SEZ6L: variants seen among roughly 807,000 people sequenced by gnomAD.
SEZ6L encodes seizure related 6 homolog like.
Under a neutral mutation model 106.2 loss-of-function variants are expected in SEZ6L, and 37 were observed. The observed-to-expected ratio is 0.35, with a 90% CI of 0.27 to 0.46. SEZ6L has a LOEUF of 0.46. SEZ6L is among the 20% of genes least tolerant of loss of function. The pLI, the probability that SEZ6L is intolerant of heterozygous loss-of-function variation, is 1.00. For missense variants in SEZ6L, 1,172 were observed against 1,332.8 expected, an observed-to-expected ratio of 0.88 and a Z score of 1.88; for synonymous variants, 541 against 570.4, an observed-to-expected ratio of 0.95 and a Z score of 0.73.
intron 1 of SEZ6L, among the ~76,000 whole-genome samples, chr22:26,275,018 G>A (rs527597608): frequency 1.2e-4 from 19 of 152,138 alleles, no homozygotes; most frequent in Non-Finnish European, 2.1e-4. Flanking sequence ...CCAGGTACAC[G>A]AAGACTCTAA....
chr22:26,235,270 C>T (rs936610926), intron 1 of SEZ6L, among the ~76,000 whole-genome samples: 1 of 152,202 alleles, frequency 6.6e-6, no homozygotes, highest in South Asian at 2.1e-4. Context: ...GCACCTCCTC[C>T]ATATCCCCAA....
intron 1 of SEZ6L, among the ~76,000 whole-genome samples, chr22:26,275,150 C>T (rs1446128892): frequency 6.6e-6 from 1 of 152,212 alleles, no homozygotes; most frequent in Non-Finnish European, 1.5e-5. Flanking sequence ...TCCTTTACTG[C>T]ACAGCAGTAT....
chr22:26,195,709 ATG>A (rs1419978395), intron 1 of SEZ6L, among the ~76,000 whole-genome samples: 1 of 151,976 alleles, frequency 6.6e-6, no homozygotes, highest in South Asian at 2.1e-4. Flanking sequence ...GTAAGTTAAT[ATG>A]TGTGTGTATG....
chr22:26,318,785 T>C (rs2082075465), intron 9 of SEZ6L, among the ~76,000 whole-genome samples: 1 of 152,156 alleles, frequency 6.6e-6, no homozygotes, highest in South Asian at 2.1e-4. Context: ...TATTTATTTA[T>C]CTATTTATCT....
At chr22:26,300,846 T>TTA (rs1297452412) in intron 5 of SEZ6L, among the ~76,000 whole-genome samples, 1 of 152,256 alleles carries the variant, frequency 6.6e-6, no homozygotes, top group Non-Finnish European at 1.5e-5. Flanking sequence ...TAAGCAATCA[T>TTA]TATATATTCT....
At position 26,306,061 on chromosome 22, in the gene SEZ6L, A is replaced by G. The variant is rs756701321; in HGVS notation, c.1431A>G (p.Gln477=). Residue 477 remains glutamine (Q), a synonymous_variant, in exon 6 of 17, where the codon CAA becomes CAG. Coordinates refer to ENST00000248933, the MANE Select transcript of SEZ6L (RefSeq NM_021115.5). ...ACCCTGAAAACACAAATGGGAGCCA[A>G]TTCTGCATCTGGACGATTGAAGCTC... ...PSYPENTNGS[Q]FCIWTIEAPE... is the part of the protein sequence containing the mutation. The G allele has an allele frequency of 6.2e-7, 1 of 1,614,136 alleles. No individual in the cohort carries two copies. Among genetic ancestry groups the G allele is most frequent in the South Asian group, 1.1e-5 (1 of 91,084 alleles).
chr22:26,249,674 T>A (rs2079501344), intron 1 of SEZ6L, among the ~76,000 whole-genome samples: 2 of 152,212 alleles, frequency 1.3e-5, no homozygotes, highest in African/African-American at 4.8e-5. Context: ...ACTGATGTCC[T>A]TTCCTTTGGA....
At chr22:26,202,145 A>T (rs1940996869) in intron 1 of SEZ6L, among the ~76,000 whole-genome samples, 1 of 151,962 alleles carries the variant, frequency 6.6e-6, no homozygotes, top group Admixed American at 6.6e-5. Context: ...TGATCTCCTG[A>T]TCTCGTGATC....
intron 5 of SEZ6L, among the ~76,000 whole-genome samples, chr22:26,304,174 A>T (rs1326353074): frequency 6.6e-6 from 1 of 152,014 alleles, no homozygotes; most frequent in Non-Finnish European, 1.5e-5. Context: ...CAAGATGGTG[A>T]AACCCCATCT....
At chr22:26,187,374 A>T (rs1178861665) in intron 1 of SEZ6L, among the ~76,000 whole-genome samples, 1 of 152,188 alleles carries the variant, frequency 6.6e-6, no homozygotes, top group African/African-American at 2.4e-5. Context: ...ACACGTGGGG[A>T]TTACAATTTG....
At chr22:26,276,361 C>T (rs1012674809) in intron 1 of SEZ6L, among the ~76,000 whole-genome samples, 12 of 152,200 alleles carry the variant, frequency 7.9e-5, no homozygotes, top group African/African-American at 2.9e-4. Context: ...TGCTAGAACC[C>T]AGGTCTCCTG....
At position 26,375,098 on chromosome 22, in the gene SEZ6L, C is replaced by T. The variant is rs373001369; in HGVS notation, c.2828-477C>T. On this transcript the variant is annotated intron_variant, in intron 14 of 16. Coordinates refer to ENST00000248933, the MANE Select transcript of SEZ6L (RefSeq NM_021115.5). ...GTCTGAGAATCCCTTAGAAACCTTG[C>T]GGCTGACCACCAGCACCGTTCAACT... Among the ~76,000 whole-genome samples, 9 of 152,042 alleles carry T rather than the reference C, an allele frequency of 5.9e-5. No individual in the cohort carries two copies. The South Asian group carries it at 1.0e-3, about 18-fold the overall frequency.
At chr22:26,213,430 A>T (rs550415705) in intron 1 of SEZ6L, among the ~76,000 whole-genome samples, 2 of 152,288 alleles carry the variant, frequency 1.3e-5, no homozygotes, top group South Asian at 4.1e-4. Context: ...TTTTGCCTTT[A>T]CTATGGAAGC....
intron 5 of SEZ6L, among the ~76,000 whole-genome samples, chr22:26,300,681 T>G (rs983609892): frequency 2.0e-5 from 3 of 152,194 alleles, no homozygotes; most frequent in Admixed American, 6.5e-5. Context: ...GTAATGGGAT[T>G]GCTGGGTCAA....
At chr22:26,313,004 T>C (rs1331319160) in intron 8 of SEZ6L, among the ~76,000 whole-genome samples, 1 of 152,220 alleles carries the variant, frequency 6.6e-6, no homozygotes, top group African/African-American at 2.4e-5. Context: ...AGCCTTGCCA[T>C]GGTGAGGGAT....
At chr22:26,295,865 C>T (rs759710030) in intron 3 of SEZ6L, among the ~76,000 whole-genome samples, 66 of 152,066 alleles carry the variant, frequency 4.3e-4, no homozygotes, top group Non-Finnish European at 4.1e-4. Context: ...GTTGTAGAAT[C>T]GCAGCAAAGG....
In SEZ6L at chr22:26,292,760, C is replaced by T. The variant is rs980545073; in HGVS notation, c.449C>T (p.Ala150Val). The change falls in exon 2 of 17, where the codon GCG becomes GTG. Residue 150 changes from alanine (A) to valine (V), a missense_variant. By Grantham distance (64) the Ala-to-Val change is moderately conservative (BLOSUM62 0). Coordinates refer to ENST00000248933, the MANE Select transcript of SEZ6L (RefSeq NM_021115.5). ...GTCCAAAGGGCAGGGTCCCAGCCAGCGTCCCAGGGCCTAGATCTCCTCTCC... is the reference window on the plus strand; with the variant it reads ...GTCCAAAGGGCAGGGTCCCAGCCAGTGTCCCAGGGCCTAGATCTCCTCTCC... ...ATVQRAGSQP[A>V]SQGLDLLSSS... 5.6e-6 allele frequency: 9 copies of T among 1,614,006 alleles called. No homozygotes were observed. The highest frequency in any genetic ancestry group is 7.6e-6 in the Non-Finnish European group (9 of 1,179,998).
intron 1 of SEZ6L, among the ~76,000 whole-genome samples, chr22:26,236,942 A>G (rs1602112506): frequency 6.6e-6 from 1 of 152,140 alleles, no homozygotes; most frequent in Admixed American, 6.5e-5. Context: ...ACCCTCAACC[A>G]GAACCTGTCT....
At chr22:26,222,050 G>A (rs1346271086) in intron 1 of SEZ6L, among the ~76,000 whole-genome samples, 1 of 152,100 alleles carries the variant, frequency 6.6e-6, no homozygotes, top group Non-Finnish European at 1.5e-5. Context: ...CCAGAACATG[G>A]GCCCGGTACT....
Sources: allele counts gnomAD v4.1 joint callset (sites outside exome capture counted in the v4.1 genomes callset), GRCh38; gene constraint gnomAD v4.1.1; transcripts MANE v1.5; gene names NCBI Gene and HGNC (gene_info 2026-07-23, HGNC 2026-07-21).